PHACTR1: variants seen among roughly 807,000 people sequenced by gnomAD.
The protein encoded by PHACTR1 is RPEL repeat containing 1.
Under a neutral mutation model 69.2 loss-of-function variants are expected in PHACTR1, and 16 were observed. The observed-to-expected ratio is 0.23, with a 90% CI of 0.16 to 0.35. The LOEUF is 0.35. PHACTR1 is among the 10% of genes least tolerant of loss of function. The probability of loss-of-function intolerance (pLI) is 1.00; values close to 1 mark genes in which losing one functional copy is unlikely to be tolerated. For missense variants in PHACTR1, 510 were observed against 734.7 expected (o/e 0.69, Z 3.54); for synonymous variants, 312 against 284.5 (o/e 1.10, Z -0.97).
At chr6:13,185,820 G>T (rs1423179566) in intron 7 of PHACTR1, among the ~76,000 whole-genome samples, 2 of 152,180 alleles carry the variant, frequency 1.3e-5, no homozygotes, top group Non-Finnish European at 2.9e-5. Flanking sequence ...GGTAATCATT[G>T]TAACATTTTG....
At chr6:12,824,079 C>T (rs557595898) in intron 4 of PHACTR1, among the ~76,000 whole-genome samples, 1 of 152,282 alleles carries the variant, frequency 6.6e-6, no homozygotes, top group South Asian at 2.1e-4. Context: ...ACAGCCGCTC[C>T]CCATCGCTTG....
At chr6:12,924,774 C>T (rs1231326234) in intron 4 of PHACTR1, among the ~76,000 whole-genome samples, 7 of 122,714 alleles carry the variant, frequency 5.7e-5, no homozygotes, top group East Asian at 2.2e-4. Context: ...GACTCTGTCC[C>T]GGAAAAAAAA....
At chr6:13,258,331 G>A (rs946178966) in intron 10 of PHACTR1, among the ~76,000 whole-genome samples, 1 of 150,430 alleles carries the variant, frequency 6.6e-6, no homozygotes, top group Non-Finnish European at 1.5e-5. Flanking sequence ...CTCCAGCCTC[G>A]GCGACAGAGA....
intron 13 of PHACTR1, 72 bp from the exon 14 acceptor site, chr6:13,286,074 G>A: frequency 1.6e-6 from 2 of 1,265,428 alleles, no homozygotes; most frequent in Non-Finnish European, 2.2e-6. Context: ...TATGTTGTTA[G>A]GAATGAACTG....
At chr6:13,277,947 C>CAAAA in intron 11 of PHACTR1, 3 of 121,612 alleles carry the variant, frequency 2.5e-5, no homozygotes, top group East Asian at 4.5e-4. Context: ...GAGACCGTGT[C>CAAAA]AAAAAAAAAA....
At chr6:13,113,801 G>T (rs1410171163) in intron 5 of PHACTR1, among the ~76,000 whole-genome samples, 1 of 152,172 alleles carries the variant, frequency 6.6e-6, no homozygotes, top group African/African-American at 2.4e-5. Flanking sequence ...ATGAGGACTG[G>T]AAAGGAAGGA....
rs186399717 is a variant in PHACTR1, at chr6:13,057,388, C to A, written c.415+3859C>A. The stretch of plus-strand genomic sequence containing the variant: ...ATCCTTTCATATGTACAATATTATC[C>A]ACCATTTTAAAAAGAAAGAATAAGT... On this transcript the variant is annotated intron_variant, in intron 5 of 14. Coordinates refer to ENST00000332995, the MANE Select transcript of PHACTR1 (RefSeq NM_030948.6). Among the ~76,000 whole-genome samples the A allele has an allele frequency of 1.2e-4, 18 of 152,220 alleles. No homozygotes were observed. The East Asian group carries it at 3.3e-3, about 28-fold the overall frequency.
In PHACTR1 at chr6:13,182,664, G is replaced by A. The variant is rs372411363; in HGVS notation, c.642G>A (p.Pro214=). 36 of 1,570,726 alleles carry A rather than the reference G, an allele frequency of 2.3e-5. No individual in the cohort carries two copies. Among genetic ancestry groups the A allele is most frequent in the African/African-American group, 2.0e-4 (15 of 73,196 alleles). The change falls in exon 7 of 15, where the codon CCG becomes CCA. Residue 214 remains proline (P), a synonymous_variant. Transcript: ENST00000332995. ...CCTGCTCATATGAGGTGCTCCAACC[G>A]TCAGACATCATGGATGGGCCAGGTA... ...RDPCSYEVLQ[P]SDIMDGPDPG... is the part of the protein sequence containing the mutation.
chr6:12,849,521 T>C lies in PHACTR1; in HGVS notation c.250+99731T>C, dbSNP rs542174438. ...TCTAGATAGCACACAGTAATGGTAGTGGACAGGCTGAGCATGTAGGTCAGA... is the reference window on the plus strand; with the variant it reads ...TCTAGATAGCACACAGTAATGGTAGCGGACAGGCTGAGCATGTAGGTCAGA... On this transcript the variant is annotated intron_variant, in intron 4 of 14. Coordinates refer to ENST00000332995, the MANE Select transcript of PHACTR1 (RefSeq NM_030948.6). 3.3e-5 allele frequency among the ~76,000 whole-genome samples: 5 copies of C among 152,248 alleles called. No individual in the cohort carries two copies. In the South Asian group the frequency reaches 1.0e-3, roughly 32 times the overall value.
At chr6:12,881,456 T>C (rs1432782982) in intron 4 of PHACTR1, among the ~76,000 whole-genome samples, 3 of 151,994 alleles carry the variant, frequency 2.0e-5, no homozygotes, top group Non-Finnish European at 4.4e-5. Flanking sequence ...GAGTTTGGAG[T>C]CATCTATGTA....
chr6:12,906,072 T>C (rs1350120956), intron 4 of PHACTR1, among the ~76,000 whole-genome samples: 3 of 152,252 alleles, frequency 2.0e-5, no homozygotes, highest in Non-Finnish European at 2.9e-5. Flanking sequence ...TCTGTCATTG[T>C]CTATATATGA....
intron 5 of PHACTR1, among the ~76,000 whole-genome samples, chr6:13,117,465 T>C (rs1817982128): frequency 6.6e-6 from 1 of 152,184 alleles, no homozygotes; most frequent in African/African-American, 2.4e-5. Context: ...AAATGTCAAA[T>C]TAAAATACAT....
At chr6:13,153,239 A>G (rs543316259) in intron 5 of PHACTR1, among the ~76,000 whole-genome samples, 2 of 152,344 alleles carry the variant, frequency 1.3e-5, no homozygotes, top group Admixed American at 6.5e-5. Flanking sequence ...AAGATGCAAG[A>G]ATAGCCATGC....
chr6:13,080,867 A>C (rs1286015126), intron 5 of PHACTR1, among the ~76,000 whole-genome samples: 1 of 152,182 alleles, frequency 6.6e-6, no homozygotes, highest in Non-Finnish European at 1.5e-5. Flanking sequence ...TTTTCGTAAA[A>C]GAAAAAAAAA....
intron 4 of PHACTR1, among the ~76,000 whole-genome samples, chr6:12,842,381 G>A (rs1293668027): frequency 2.0e-5 from 3 of 152,158 alleles, no homozygotes; most frequent in Non-Finnish European, 4.4e-5. Context: ...TTTCCTGTAA[G>A]GACAATGTTG....
chr6:13,017,512 G>A (rs924333918), intron 4 of PHACTR1, among the ~76,000 whole-genome samples: 1 of 152,064 alleles, frequency 6.6e-6, no homozygotes, highest in African/African-American at 2.4e-5. Context: ...CAACCAGGTA[G>A]ATTAGAAGTT....
chr6:12,924,462 T>C (rs2127518642), intron 4 of PHACTR1, among the ~76,000 whole-genome samples: 1 of 152,266 alleles, frequency 6.6e-6, no homozygotes, highest in East Asian at 1.9e-4. Context: ...CTTAATGAGA[T>C]ATACAATGAG....
At chr6:12,987,715 T>C (rs138692102) in intron 4 of PHACTR1, among the ~76,000 whole-genome samples, 44 of 152,286 alleles carry the variant, frequency 2.9e-4, no homozygotes, top group African/African-American at 9.4e-4. Flanking sequence ...GGGGTGCTGA[T>C]AGTGGAAGAA....
At chr6:13,172,464 C>T (rs1438347845) in intron 6 of PHACTR1, among the ~76,000 whole-genome samples, 2 of 152,144 alleles carry the variant, frequency 1.3e-5, no homozygotes, top group African/African-American at 4.8e-5. Context: ...CTCAGGTTAC[C>T]AGGAGGCTGA....
Sources: gnomAD v4.1 joint callset for allele counts (sites outside exome capture counted in the v4.1 genomes callset) on GRCh38, gnomAD v4.1.1 for gene constraint, MANE v1.5 for transcripts, NCBI Gene and HGNC (gene_info 2026-07-23, HGNC 2026-07-21) for gene names.